The following CANT1 variants were observed in gnomAD, a reference collection of about 807,000 sequenced individuals.
CANT1 encodes the protein soluble calcium-activated nucleotidase 1.
Under a neutral mutation model 30.0 loss-of-function variants are expected in CANT1, and 26 were observed. That is an observed-to-expected ratio of 0.87 (90% CI 0.64 to 1.20). The LOEUF is 1.20. Ranked by LOEUF, CANT1 falls within the 50% of genes most tolerant of loss-of-function variation. CANT1 has a pLI of 0.00. For synonymous variants in CANT1, 246 were observed against 251.8 expected (o/e 0.98, Z 0.22); for missense variants, 518 against 563.0 (o/e 0.92, Z 0.81).
At chr17:78,994,277 C>T (rs2070949148) in intron 4 of CANT1, among the ~76,000 whole-genome samples, 1 of 152,144 alleles carries the variant, frequency 6.6e-6, no homozygotes, top group South Asian at 2.1e-4. Flanking sequence ...GGGGAGGCTG[C>T]CTTGAGGCTG....
Position 78,997,136 on chromosome 17 carries a change from T to TC in CANT1, c.486dup (p.Arg163GlufsTer20). Reference sequence around the variant, plus strand: ...ATCAGGTCGGATAGCTCCATGCCTCTCCCCTTCTCCGCCAGGTGGGACTCC... The same window carrying TC: ...ATCAGGTCGGATAGCTCCATGCCTCTCCCCCTTCTCCGCCAGGTGGGACTCC... On this transcript the variant is annotated frameshift_variant, in exon 3 of 5. Coordinates refer to ENST00000392446, the MANE Select transcript of CANT1 (RefSeq NM_001159773.2). LOFTEE classifies it high-confidence loss of function. This position sits in a 1 kb window ranked among gnomAD's most constrained non-coding sequence, Gnocchi z 7.5. 1 of 1,614,184 alleles carries TC rather than the reference T, an allele frequency of 6.2e-7. No individual in the cohort carries two copies. Among genetic ancestry groups the TC allele is most frequent in the Non-Finnish European group, 8.5e-7 (1 of 1,180,042 alleles).
chr17:78,991,882 C>CT lies in CANT1; in HGVS notation c.*1667dup, dbSNP rs930919281. ...AAGAGGCTGCTTCCGGGCACCTGGG[C>CT]TGTGACTCAGGTGCTGACATGAATA... On this transcript the variant is annotated 3_prime_UTR_variant, in exon 5 of 5. Coordinates refer to ENST00000392446, the MANE Select transcript of CANT1 (RefSeq NM_001159773.2). 1.7e-5 allele frequency: 4 copies of CT among 231,568 alleles called. No individual in the cohort carries two copies. The highest frequency in any genetic ancestry group is 2.2e-5 in the African/African-American group (1 of 45,262). 14.3% of individuals were successfully genotyped at this position (231,568 alleles called of 1,614,324 possible).
At position 78,993,992 on chromosome 17, in the gene CANT1, G is replaced by A. The variant is rs1599217765; in HGVS notation, c.836-72C>T. On this transcript the variant is annotated intron_variant, in intron 4 of 4. Transcript: ENST00000392446. This position sits in a 1 kb window ranked among gnomAD's most constrained non-coding sequence, Gnocchi z 4.5. ...GCCCAGCCCCACACCATCAGGCCGT[G>A]CGCAGTAGCAGGCAAGGGGCTGCGA... The A allele has an allele frequency of 2.0e-6, 3 of 1,502,696 alleles. No homozygotes were observed. In the East Asian group the frequency reaches 7.4e-5, roughly 37 times the overall value. 93.1% of individuals were successfully genotyped at this position (1,502,696 alleles called of 1,614,324 possible).
chr17:78,999,287 C>T (rs924269120), intron 1 of CANT1, among the ~76,000 whole-genome samples: 1 of 152,098 alleles, frequency 6.6e-6, no homozygotes, highest in Non-Finnish European at 1.5e-5. Context: ...CTCAGGACCC[C>T]CTGAGGTGGT....
chr17:78,997,611 C>T lies in CANT1; in HGVS notation c.12G>A (p.Gln4=). Residue 4 remains glutamine (Q), a synonymous_variant, in exon 3 of 5, where the codon CAG becomes CAA. Coordinates refer to ENST00000392446, the MANE Select transcript of CANT1 (RefSeq NM_001159773.2). The surrounding 1 kb of genome is among the most constrained non-coding windows in gnomAD (Gnocchi z 7.5). Reference sequence around the variant, plus strand: ...CATTCCATTCCGGGTGCTCAGACAGCTGCACGGGCATCAGCGTGACAGACA... The same window carrying T: ...CATTCCATTCCGGGTGCTCAGACAGTTGCACGGGCATCAGCGTGACAGACA... MPV[Q]LSEHPEWNES... The T allele has an allele frequency of 2.5e-6, 4 of 1,569,568 alleles. No homozygotes were observed. Among genetic ancestry groups the T allele is most frequent in the Non-Finnish European group, 2.6e-6 (3 of 1,157,064 alleles).
intron 1 of CANT1, among the ~76,000 whole-genome samples, chr17:79,001,119 C>T (rs1358446542): frequency 7.9e-5 from 12 of 152,300 alleles, no homozygotes; most frequent in South Asian, 2.1e-4. Flanking sequence ...CCCGGGAAGA[C>T]GGTGCTTGCC....
chr17:78,997,502 G>A lies in CANT1; in HGVS notation c.121C>T (p.Pro41Ser). Residue 41 changes from proline to serine, a missense_variant, in exon 3 of 5, where the codon CCC becomes TCC. This residue lies in a region of CANT1 where 249 missense variants were observed against 268.8 expected (regional missense o/e 0.93). Transcript: ENST00000392446. This position sits in a 1 kb window ranked among gnomAD's most constrained non-coding sequence, Gnocchi z 7.5. The stretch of plus-strand genomic sequence containing the variant: ...AACGTCAGGATCACCTTCCAGCGGG[G>A]GCGGAAGCGGGGGTCCGCGGCCTTG... Reference protein sequence around the residue: ...MTKAADPRFRPRWKVILTFFV... With the variant: ...MTKAADPRFRSRWKVILTFFV... 2 of 1,576,420 alleles carry A rather than the reference G, an allele frequency of 1.3e-6. No individual in the cohort carries two copies. Among genetic ancestry groups the A allele is most frequent in the Non-Finnish European group, 1.7e-6 (2 of 1,159,734 alleles).
chr17:78,992,149 T>C lies in CANT1; in HGVS notation c.*1401A>G. 4.3e-6 allele frequency: 1 copy of C among 231,236 alleles called. No individual in the cohort carries two copies. The highest frequency in any genetic ancestry group is 2.2e-5 in the African/African-American group (1 of 45,288). The allele number at this position is 231,236 out of a possible 1,614,324, so 14.3% of individuals were successfully genotyped here. A position where few individuals can be genotyped will look rare whatever the true frequency, so the allele number is the denominator to read the frequency against. ...TTCGCTTCCTCCACTACCTATGACA[T>C]AGCGGGGGAAAGAGACAACCATGAG... On this transcript the variant is annotated 3_prime_UTR_variant, in exon 5 of 5. Coordinates refer to ENST00000392446, the MANE Select transcript of CANT1 (RefSeq NM_001159773.2).
At position 78,995,232 on chromosome 17, in the gene CANT1, A is replaced by G. The variant is rs370204069; in HGVS notation, c.632-11T>C. On this transcript the variant is annotated splice_polypyrimidine_tract_variant and intron_variant, in intron 3 of 4. Transcript: ENST00000392446. The surrounding 1 kb of genome is among the most constrained non-coding windows in gnomAD (Gnocchi z 5.7). ...ATTCGGCCTTGAAGCCTGGCCAAGC[A>G]GAGTGTCCTTAGGCCCCGCACCCAG... 3.1e-6 allele frequency: 5 copies of G among 1,611,748 alleles called. No homozygotes were observed. The highest frequency in any genetic ancestry group is 4.2e-6 in the Non-Finnish European group (5 of 1,179,700).
At chr17:79,000,694 C>T (rs1174558908) in intron 1 of CANT1, among the ~76,000 whole-genome samples, 1 of 152,228 alleles carries the variant, frequency 6.6e-6, no homozygotes. Flanking sequence ...ACCACACTGG[C>T]CCTGGCAGAG....
At chr17:79,000,913 C>A (rs536935471) in intron 1 of CANT1, among the ~76,000 whole-genome samples, 10 of 152,216 alleles carry the variant, frequency 6.6e-5, no homozygotes, top group African/African-American at 9.6e-5. Flanking sequence ...CAGCACCTGA[C>A]GCACTGCCAG....
chr17:79,000,651 C>T lies in CANT1; in HGVS notation c.-146-2688G>A, dbSNP rs58063147. ...ACACTGTACCATCTCCTCTGCCTGCCGGCTGGCTACATAGACCTCCTTCTG... is the reference window on the plus strand; with the variant it reads ...ACACTGTACCATCTCCTCTGCCTGCTGGCTGGCTACATAGACCTCCTTCTG... On this transcript the variant is annotated intron_variant, in intron 1 of 4. Coordinates refer to ENST00000392446, the MANE Select transcript of CANT1 (RefSeq NM_001159773.2). Among the ~76,000 whole-genome samples the T allele has an allele frequency of 2.4e-3, 373 of 152,316 alleles. 2 individuals are homozygous for T. Among genetic ancestry groups the T allele is most frequent in the African/African-American group, 8.6e-3 (359 of 41,566 alleles).
chr17:79,007,426 C>G (rs2071591538), intron 1 of CANT1, among the ~76,000 whole-genome samples: 2 of 152,210 alleles, frequency 1.3e-5, no homozygotes, highest in Non-Finnish European at 1.5e-5. Context: ...TGTGATAGTA[C>G]TGACCCATTT....
intron 1 of CANT1, among the ~76,000 whole-genome samples, chr17:79,007,909 C>T (rs972717955): frequency 6.6e-6 from 1 of 152,218 alleles, no homozygotes. Flanking sequence ...GGGGTCCTAT[C>T]CCGCTGCGAG....
rs917498851 is a variant in CANT1 at position 78,996,500 on chromosome 17, C to T, written c.631+492G>A. 2.6e-5 allele frequency among the ~76,000 whole-genome samples: 4 copies of T among 152,194 alleles called. No homozygotes were observed. The highest frequency in any genetic ancestry group is 2.9e-5 in the Non-Finnish European group (2 of 68,030). On this transcript the variant is annotated intron_variant, in intron 3 of 4. Transcript: ENST00000392446. This position sits in a 1 kb window ranked among gnomAD's most constrained non-coding sequence, Gnocchi z 5.1. ...TCCAGGGGGGTTGGCACAGCTCACA[C>T]ATGCCCTCCCCCTGCTGGGGTTCAG... is the stretch of plus-strand genomic sequence containing the variant.
In CANT1 at chr17:78,995,329, G is replaced by A. The variant is rs2070998573; in HGVS notation, c.632-108C>T. The A allele has an allele frequency of 9.9e-6, 12 of 1,211,506 alleles. No individual in the cohort carries two copies. Among genetic ancestry groups the A allele is most frequent in the South Asian group, 2.6e-5 (2 of 77,230 alleles). The allele number at this position is 1,211,506 out of a possible 1,614,324, so 75.0% of individuals were successfully genotyped here. A position where few individuals can be genotyped will look rare whatever the true frequency, so the allele number is the denominator to read the frequency against. ...TCCTTAGACCCCGCACCTGACTCCC[G>A]CCCGGCTCCACACCTGCCTCCCCTC... On this transcript the variant is annotated intron_variant, in intron 3 of 4. Transcript: ENST00000392446. The surrounding 1 kb of genome is among the most constrained non-coding windows in gnomAD (Gnocchi z 5.7).
intron 1 of CANT1, 94 bp downstream of exon 1, chr17:79,009,568 ACG>A (rs2071675437): frequency 6.6e-6 from 1 of 152,538 alleles, no homozygotes; most frequent in Non-Finnish European, 1.5e-5. Flanking sequence ...AGGGGGCGGG[ACG>A]CGGCAGGGTC....
chr17:78,996,779 C>A lies in CANT1; in HGVS notation c.631+213G>T, dbSNP rs1222208723. 6.6e-6 allele frequency among the ~76,000 whole-genome samples: 1 copy of A among 152,212 alleles called. No homozygotes were observed. The highest frequency in any genetic ancestry group is 6.5e-5 in the Admixed American group (1 of 15,292). ...ACAGGCCTCTAGCGATAAGCTCTTCCTCCTAGAAACTGCTCAGTGTGAAGT... is the reference window on the plus strand; with the variant it reads ...ACAGGCCTCTAGCGATAAGCTCTTCATCCTAGAAACTGCTCAGTGTGAAGT... On this transcript the variant is annotated intron_variant, in intron 3 of 4. Transcript: ENST00000392446. The surrounding 1 kb of genome is among the most constrained non-coding windows in gnomAD (Gnocchi z 5.1).
intron 4 of CANT1, among the ~76,000 whole-genome samples, 170 bp downstream of exon 4, chr17:78,994,848 A>C (rs2145836720): frequency 6.6e-6 from 1 of 152,360 alleles, no homozygotes; most frequent in African/African-American, 2.4e-5. Flanking sequence ...TGAACCCAGG[A>C]GGTGGAGGTT....
Sources: allele counts gnomAD v4.1 joint callset (sites outside exome capture counted in the v4.1 genomes callset), GRCh38; gene constraint gnomAD v4.1.1; regional missense constraint gnomAD v4.1.1; non-coding constraint Gnocchi (gnomAD v3.1); transcripts MANE v1.5; gene names NCBI Gene and HGNC (gene_info 2026-07-23, HGNC 2026-07-21).